KIAA0319: variants seen among roughly 807,000 people sequenced by gnomAD.
The protein encoded by KIAA0319 is dyslexia-associated protein KIAA0319.
KIAA0319 carries 83 observed loss-of-function variants against 108.4 expected under a neutral mutation model. The ratio of observed to expected loss-of-function variants is 0.77; its 90% CI spans 0.64 to 0.92. The LOEUF (loss-of-function observed/expected upper bound fraction) is 0.92, where lower values mean the gene tolerates loss of function less well. Among genes scored for constraint, KIAA0319 ranks in the 40% least tolerant of loss-of-function variants. The pLI is 0.00. For synonymous variants in KIAA0319, 484 were observed against 510.4 expected (o/e 0.95, Z 0.70); for missense variants, 1,195 against 1,322.4 (o/e 0.90, Z 1.49).
chr6:24,612,690 A>T (rs1279098949), intron 1 of KIAA0319, among the ~76,000 whole-genome samples: 1 of 152,200 alleles, frequency 6.6e-6, no homozygotes, highest in Non-Finnish European at 1.5e-5. Context: ...GGGTGGGAAA[A>T]ATATAAATAT....
Position 24,545,488 on chromosome 6 carries a change from T to C in KIAA0319, c.*1677A>G, listed in dbSNP as rs1433178262. 4 of 152,100 alleles carry C rather than the reference T, an allele frequency of 2.6e-5. No homozygotes were observed. Among genetic ancestry groups the C allele is most frequent in the African/African-American group, 4.8e-5 (2 of 41,424 alleles). 9.4% of individuals were successfully genotyped at this position (152,100 alleles called of 1,614,324 possible). A position where few individuals can be genotyped will look rare whatever the true frequency, so the allele number is the denominator to read the frequency against. ...GCAAACAACCATAACCCTGGTCACCTGATAAGGCAGATTCTAGGCTTATGA... is the reference window on the plus strand; with the variant it reads ...GCAAACAACCATAACCCTGGTCACCCGATAAGGCAGATTCTAGGCTTATGA... On this transcript the variant is annotated 3_prime_UTR_variant, in exon 21 of 21. Coordinates refer to ENST00000378214, the MANE Select transcript of KIAA0319 (RefSeq NM_014809.4).
intron 1 of KIAA0319, among the ~76,000 whole-genome samples, chr6:24,629,017 TG>T (rs1224124958): frequency 2.0e-5 from 3 of 152,118 alleles, no homozygotes; most frequent in Non-Finnish European, 2.9e-5. Flanking sequence ...ATAACACCAT[TG>T]TTTGTACTTT....
In KIAA0319 at chr6:24,583,616, C is replaced by T; in HGVS notation, c.1081G>A (p.Ala361Thr). 1 of 1,612,858 alleles carries T rather than the reference C, an allele frequency of 6.2e-7. No homozygotes were observed. The highest frequency in any genetic ancestry group is 8.5e-7 in the Non-Finnish European group (1 of 1,178,938). Residue 361 changes from alanine to threonine, a missense_variant, in exon 5 of 21, where the codon GCG becomes ACG. Transcript: ENST00000378214. ...EVELKAFVAP[A>T]PPVETTYNYE... ...GTTAAACTCTCACCTACAGGTGGCG[C>T]TGGCGCAACAAAGGCCTTCAGTTCA...
At chr6:24,626,746 C>G (rs1774775124) in intron 1 of KIAA0319, among the ~76,000 whole-genome samples, 1 of 152,138 alleles carries the variant, frequency 6.6e-6, no homozygotes, top group African/African-American at 2.4e-5. Context: ...TAAAAAGGTT[C>G]CCTTTGGGAG....
rs397974257 is a variant in KIAA0319, at chr6:24,629,514, C to CAAA, written c.-106+16219_-106+16221dup. On this transcript the variant is annotated intron_variant, in intron 1 of 20. Transcript: ENST00000378214. ...TGGGCAACAGAGTGAGACTCTGTCT[C>CAAA]AAAAAAAAAAAAAAAAAGAAAGAAA... Among the ~76,000 whole-genome samples the CAAA allele has an allele frequency of 5.1e-3, 217 of 42,394 alleles. 6 individuals carry two copies. Among genetic ancestry groups the CAAA allele is most frequent in the Admixed American group, 8.3e-3 (24 of 2,886 alleles). 27.8% of individuals were successfully genotyped at this position (42,394 alleles called of 152,430 possible).
intron 1 of KIAA0319, among the ~76,000 whole-genome samples, chr6:24,614,978 G>C (rs1395035720): frequency 6.6e-6 from 1 of 151,854 alleles, no homozygotes; most frequent in Non-Finnish European, 1.5e-5. Context: ...CTATAGGAGG[G>C]GTTGGTACAT....
At chr6:24,595,557 A>C (rs993897053) in intron 3 of KIAA0319, among the ~76,000 whole-genome samples, 1 of 148,756 alleles carries the variant, frequency 6.7e-6, no homozygotes, top group Admixed American at 6.8e-5. Context: ...AAAAAAAAAA[A>C]AAAAAAAAAA....
In KIAA0319 at chr6:24,563,939, C is replaced by T. The variant is rs1581943770; in HGVS notation, c.2431+263G>A. Among the ~76,000 whole-genome samples the T allele has an allele frequency of 3.9e-5, 6 of 152,264 alleles. 1 individual carries two copies. The highest frequency in any genetic ancestry group is 1.4e-4 in the African/African-American group (6 of 41,544). On this transcript the variant is annotated intron_variant, in intron 15 of 20. Coordinates refer to ENST00000378214, the MANE Select transcript of KIAA0319 (RefSeq NM_014809.4). Reference sequence around the variant, plus strand: ...GTATGAGGCCCTTGTGTCCACTTCACATTAAGTCTTTGTCTTCTGGCAGGA... The same window carrying T: ...GTATGAGGCCCTTGTGTCCACTTCATATTAAGTCTTTGTCTTCTGGCAGGA...
Position 24,546,860 on chromosome 6 carries a change from C to G in KIAA0319, c.*305G>C, listed in dbSNP as rs533271067. 4.6e-5 allele frequency: 12 copies of G among 260,076 alleles called. No homozygotes were observed. In the South Asian group the frequency reaches 6.7e-4, roughly 15 times the overall value. The allele number at this position is 260,076 out of a possible 1,614,324, so 16.1% of individuals were successfully genotyped here. A position where few individuals can be genotyped will look rare whatever the true frequency, so the allele number is the denominator to read the frequency against. On this transcript the variant is annotated 3_prime_UTR_variant, in exon 21 of 21. Transcript: ENST00000378214. The stretch of plus-strand genomic sequence containing the variant: ...TTCATTCACCTTCTCTAAGGTTCTA[C>G]AGATAGAAATCGTTGTTCATCTTTA...
In KIAA0319 at chr6:24,596,263, G is replaced by A; in HGVS notation, c.411C>T (p.Ile137=). 6.2e-7 allele frequency: 1 copy of A among 1,614,198 alleles called. No individual in the cohort carries two copies. The highest frequency in any genetic ancestry group is 1.7e-5 in the Admixed American group (1 of 60,026). The change falls in exon 3 of 21, where the codon ATC becomes ATT. Residue 137 remains isoleucine (I), a synonymous_variant. Coordinates refer to ENST00000378214, the MANE Select transcript of KIAA0319 (RefSeq NM_014809.4). Reference sequence around the variant, plus strand: ...TGCCTAGAAAGGTCAAGTCCTTTCTGATATCCTCAGGTGAGTCCCCCCAGA... The same window carrying A: ...TGCCTAGAAAGGTCAAGTCCTTTCTAATATCCTCAGGTGAGTCCCCCCAGA... ...SGIWGDSPED[I]RKDLTFLGKD...
At chr6:24,622,772 G>A (rs921743776) in intron 1 of KIAA0319, among the ~76,000 whole-genome samples, 11 of 152,108 alleles carry the variant, frequency 7.2e-5, no homozygotes, top group Admixed American at 3.3e-4. Flanking sequence ...GGCTGGGCAC[G>A]GTGGTTCACA....
chr6:24,594,354 G>A (rs146670213), intron 3 of KIAA0319, among the ~76,000 whole-genome samples: 1 of 148,052 alleles, frequency 6.8e-6, no homozygotes, highest in Non-Finnish European at 1.5e-5. Context: ...GGCTGGGCAC[G>A]GTGGCTCATG....
At position 24,632,134 on chromosome 6, in the gene KIAA0319, T is replaced by C. The variant is rs185523901; in HGVS notation, c.-106+13602A>G. ...TCCCTATGAAGGAAGAGGAGCAAAA[T>C]GGAAAGAAGGTAGAATATTGTCAAT... is the stretch of plus-strand genomic sequence containing the variant. On this transcript the variant is annotated intron_variant, in intron 1 of 20. Transcript: ENST00000378214. 1.4e-3 allele frequency among the ~76,000 whole-genome samples: 212 copies of C among 152,324 alleles called. 1 individual carries two copies. The highest frequency in any genetic ancestry group is 8.7e-4 in the Non-Finnish European group (59 of 68,030).
In KIAA0319 at chr6:24,547,257, G is replaced by A. The variant is rs1320369116; in HGVS notation, c.3127C>T (p.Arg1043Ter). The A allele has an allele frequency of 5.6e-6, 9 of 1,613,932 alleles. No homozygotes were observed. Among genetic ancestry groups the A allele is most frequent in the Admixed American group, 1.7e-5 (1 of 60,002 alleles). Residue 1043 changes from arginine to a stop codon, truncating the protein, a stop_gained, in exon 21 of 21, where the codon CGA (arginine) becomes TGA (stop). Transcript: ENST00000378214. LOFTEE classifies it low-confidence loss of function (END_TRUNC). ...GGATTCCCTCTCTCCATCTTTTCTC[G>A]GCTGAAGATTGTGTCCTGGTCACTG... ...FDSDQDTIFSREKMERGNPKV... is the reference protein window; with the variant it reads ...FDSDQDTIFS
chr6:24,628,943 G>A (rs6938416), intron 1 of KIAA0319, among the ~76,000 whole-genome samples: 44,543 of 151,960 alleles, frequency 0.29, 8,082 homozygotes, highest in East Asian at 0.69. Context: ...TTTACGTAAG[G>A]TCACATTCAC....
At chr6:24,627,284 G>A (rs1323576351) in intron 1 of KIAA0319, among the ~76,000 whole-genome samples, 1 of 152,168 alleles carries the variant, frequency 6.6e-6, no homozygotes, top group Non-Finnish European at 1.5e-5. Flanking sequence ...GTGCAGAAAT[G>A]CGCTGGGGAT....
At position 24,547,283 on chromosome 6, in the gene KIAA0319, T is replaced by C. The variant is rs1282269823; in HGVS notation, c.3101A>G (p.Asp1034Gly). 2 of 1,614,080 alleles carry C rather than the reference T, an allele frequency of 1.2e-6. No homozygotes were observed. Among genetic ancestry groups the C allele is most frequent in the African/African-American group, 1.3e-5 (1 of 74,928 alleles). The change falls in exon 21 of 21, where the codon GAC becomes GGC. Residue 1034 changes from aspartate to glycine, a missense_variant. Coordinates refer to ENST00000378214, the MANE Select transcript of KIAA0319 (RefSeq NM_014809.4). The part of the protein sequence containing the change: ...SSLMVSESEF[D>G]SDQDTIFSRE... ...GCTGAAGATTGTGTCCTGGTCACTG[T>C]CAAACTCAGACTCGGATACCATCAG... is the stretch of plus-strand genomic sequence containing the variant.
At chr6:24,553,290 TATATACACACACAC>T (rs1326952148) in intron 19 of KIAA0319, among the ~76,000 whole-genome samples, 3 of 80,656 alleles carry the variant, frequency 3.7e-5, no homozygotes, top group East Asian at 2.4e-4. Context: ...TATATATATA[TATATACACACACAC>T]ACACACACAC....
intron 1 of KIAA0319, among the ~76,000 whole-genome samples, chr6:24,642,505 C>A (rs1370095255): frequency 6.6e-6 from 1 of 152,170 alleles, no homozygotes; most frequent in Non-Finnish European, 1.5e-5. Flanking sequence ...ACTTCCCCAT[C>A]ATCACATGAA....
Sources: gnomAD v4.1 joint callset for allele counts (sites outside exome capture counted in the v4.1 genomes callset) on GRCh38, gnomAD v4.1.1 for gene constraint, MANE v1.5 for transcripts, NCBI Gene and HGNC (gene_info 2026-07-23, HGNC 2026-07-21) for gene names.